Variants in SYNJ2BP observed in about 807,000 individuals in gnomAD.
The protein encoded by SYNJ2BP is synaptojanin-2-binding protein.
SYNJ2BP carries 10 observed loss-of-function variants against 16.9 expected under a neutral mutation model. The observed-to-expected ratio is 0.59, with a 90% CI of 0.36 to 1.00. The LOEUF (loss-of-function observed/expected upper bound fraction) is 1.00, where lower values mean the gene tolerates loss of function less well. SYNJ2BP is among the 50% of genes least tolerant of loss of function. The probability of loss-of-function intolerance (pLI) is 0.01; values close to 1 mark genes in which losing one functional copy is unlikely to be tolerated. For missense variants in SYNJ2BP, 162 were observed against 186.7 expected (o/e 0.87, Z 0.77); for synonymous variants, 54 against 68.4 (o/e 0.79, Z 1.04).
At chr14:70,410,997 A>G (rs960097844) in intron 1 of SYNJ2BP, among the ~76,000 whole-genome samples, 5 of 152,196 alleles carry the variant, frequency 3.3e-5, no homozygotes, top group African/African-American at 1.2e-4. Context: ...GTACCCCTGA[A>G]CCTAAAATAA....
At chr14:70,389,078 G>A (rs1887924067) in intron 1 of SYNJ2BP, among the ~76,000 whole-genome samples, 1 of 151,938 alleles carries the variant, frequency 6.6e-6, no homozygotes, top group Non-Finnish European at 1.5e-5. Flanking sequence ...AAAGTTCTAG[G>A]ATTACAGGTG....
At chr14:70,413,302 A>G (rs1229623663) in intron 1 of SYNJ2BP, among the ~76,000 whole-genome samples, 1 of 152,174 alleles carries the variant, frequency 6.6e-6, no homozygotes, top group Non-Finnish European at 1.5e-5. Context: ...ATTCCATGCT[A>G]TTAGGTTGGT....
chr14:70,415,057 G>T (rs1888571843), intron 1 of SYNJ2BP, among the ~76,000 whole-genome samples: 1 of 152,060 alleles, frequency 6.6e-6, no homozygotes, highest in Non-Finnish European at 1.5e-5. Context: ...ATTAGTGATA[G>T]GCCAGGCATG....
Position 70,412,942 on chromosome 14 carries a change from G to A in SYNJ2BP, c.64+3958C>T, listed in dbSNP as rs139223784. ...TTTTAGAGTAACTGAGTTTTGAGAC[G>A]CATTAAGAGACTTTCAATTTGATAA... On this transcript the variant is annotated intron_variant, in intron 1 of 3. Coordinates refer to ENST00000256366, the MANE Select transcript of SYNJ2BP (RefSeq NM_018373.3). 1.2e-4 allele frequency among the ~76,000 whole-genome samples: 18 copies of A among 152,142 alleles called. No homozygotes were observed. The East Asian group carries it at 3.1e-3, about 26-fold the overall frequency.
intron 1 of SYNJ2BP, among the ~76,000 whole-genome samples, chr14:70,390,723 G>A (rs760364756): frequency 6.6e-6 from 1 of 151,994 alleles, no homozygotes; most frequent in African/African-American, 2.4e-5. Flanking sequence ...CTCCCCATTG[G>A]TGGGAGAAAA....
intron 1 of SYNJ2BP, among the ~76,000 whole-genome samples, chr14:70,414,011 T>C (rs1488249782): frequency 6.6e-6 from 1 of 152,194 alleles, no homozygotes; most frequent in Non-Finnish European, 1.5e-5. Context: ...TATGGGACCA[T>C]CAAAATTATG....
At chr14:70,414,633 A>G (rs1888563087) in intron 1 of SYNJ2BP, among the ~76,000 whole-genome samples, 1 of 152,234 alleles carries the variant, frequency 6.6e-6, no homozygotes, top group Non-Finnish European at 1.5e-5. Flanking sequence ...GAGCAAAAGG[A>G]CTATGTCAAA....
At chr14:70,377,986 G>C (rs946413411) in intron 2 of SYNJ2BP, among the ~76,000 whole-genome samples, 10 of 152,174 alleles carry the variant, frequency 6.6e-5, no homozygotes, top group Non-Finnish European at 7.3e-5. Context: ...GGAAGAACAT[G>C]TTTTTCTAAA....
At chr14:70,399,623 C>A (rs570872353) in intron 1 of SYNJ2BP, among the ~76,000 whole-genome samples, 1 of 152,230 alleles carries the variant, frequency 6.6e-6, no homozygotes, top group Non-Finnish European at 1.5e-5. Flanking sequence ...TCACTGCCCA[C>A]GCCTCCCCGC....
chr14:70,412,498 TAGTATATATAC>T (rs149149139), intron 1 of SYNJ2BP, among the ~76,000 whole-genome samples: 6 of 104,766 alleles, frequency 5.7e-5, no homozygotes, highest in Non-Finnish European at 1.2e-4. Context: ...TATGTATGTA[TAGTATATATAC>T]AGTATATATA....
At chr14:70,405,154 A>C (rs1334523771) in intron 1 of SYNJ2BP, among the ~76,000 whole-genome samples, 1 of 152,110 alleles carries the variant, frequency 6.6e-6, no homozygotes, top group African/African-American at 2.4e-5. Flanking sequence ...TCAATCAATG[A>C]TAGGAAAGAA....
At position 70,368,460 on chromosome 14, in the gene SYNJ2BP, C is replaced by A. The variant is rs1887442965; in HGVS notation, c.*4531G>T. The stretch of plus-strand genomic sequence containing the variant: ...ATCAGAGTTAAGTTAGCTTCCCTCT[C>A]TGAGCCTTTATTTTTCTCATCTCTA... On this transcript the variant is annotated 3_prime_UTR_variant, in exon 4 of 4. Coordinates refer to ENST00000256366, the MANE Select transcript of SYNJ2BP (RefSeq NM_018373.3). 6.6e-6 allele frequency: 1 copy of A among 152,232 alleles called. No homozygotes were observed. The highest frequency in any genetic ancestry group is 2.4e-5 in the African/African-American group (1 of 41,468). The allele number at this position is 152,232 out of a possible 1,614,324, so 9.4% of individuals were successfully genotyped here.
At chr14:70,407,672 A>G (rs1396247398) in intron 1 of SYNJ2BP, among the ~76,000 whole-genome samples, 1 of 152,072 alleles carries the variant, frequency 6.6e-6, no homozygotes, top group East Asian at 1.9e-4. Flanking sequence ...AAAACATAGA[A>G]GATGAAGTTT....
chr14:70,393,587 T>C (rs1037263100), intron 1 of SYNJ2BP, among the ~76,000 whole-genome samples: 67 of 152,060 alleles, frequency 4.4e-4, no homozygotes, highest in African/African-American at 1.4e-3. Flanking sequence ...ATAAAGAAAA[T>C]TGGCACATAT....
At chr14:70,377,152 CT>C (rs1422661422) in intron 2 of SYNJ2BP, among the ~76,000 whole-genome samples, 1 of 152,222 alleles carries the variant, frequency 6.6e-6, no homozygotes, top group Non-Finnish European at 1.5e-5. Context: ...TCTTTTCATA[CT>C]TTCTATTCAT....
At chr14:70,382,108 C>T (rs1031304600) in intron 2 of SYNJ2BP, among the ~76,000 whole-genome samples, 26 of 152,142 alleles carry the variant, frequency 1.7e-4, no homozygotes, top group African/African-American at 5.1e-4. Context: ...TGGTGGCAGG[C>T]GCCTGTAGTC....
chr14:70,401,843 G>A (rs1413281264), intron 1 of SYNJ2BP, among the ~76,000 whole-genome samples: 4 of 151,634 alleles, frequency 2.6e-5, no homozygotes, highest in African/African-American at 9.7e-5. Flanking sequence ...TAGAGACAGG[G>A]TCTTGCTATT....
At chr14:70,387,812 CAG>C (rs1271729671) in intron 2 of SYNJ2BP, among the ~76,000 whole-genome samples, 1 of 139,640 alleles carries the variant, frequency 7.2e-6, no homozygotes, top group African/African-American at 2.7e-5. Flanking sequence ...GCCTGGGTGA[CAG>C]AGCAAGAATC....
At chr14:70,382,236 G>C (rs148006662) in intron 2 of SYNJ2BP, among the ~76,000 whole-genome samples, 1 of 151,858 alleles carries the variant, frequency 6.6e-6, no homozygotes, top group African/African-American at 2.4e-5. Context: ...ACTCTGTCTC[G>C]AACAAAACAA....
Sources: allele counts gnomAD v4.1 joint callset (sites outside exome capture counted in the v4.1 genomes callset), GRCh38; gene constraint gnomAD v4.1.1; transcripts MANE v1.5; gene names NCBI Gene and HGNC (gene_info 2026-07-23, HGNC 2026-07-21).